The following TSBP1 variants were observed in gnomAD, a reference collection of about 807,000 sequenced individuals.
TSBP1 encodes the protein testis-expressed basic protein 1.
TSBP1 carries 56 observed loss-of-function variants against 68.8 expected under a neutral mutation model. That is an observed-to-expected ratio of 0.81 (90% CI 0.66 to 1.02). The LOEUF is 1.02. TSBP1 is among the 50% of genes least tolerant of loss of function. The pLI is 0.00. For missense variants in TSBP1, 502 were observed against 641.2 expected (o/e 0.78, Z 2.34); for synonymous variants, 171 against 208.7 (o/e 0.82, Z 1.56).
At chr6:32,299,976 C>T (rs1765117070) in intron 21 of TSBP1, 40 bp from the exon 25 acceptor site, 1 of 1,585,398 alleles carries the variant, frequency 6.3e-7, no homozygotes, top group South Asian at 1.1e-5. Context: ...TGAGGATTTT[C>T]TAACTCAAGA....
rs1768022570 is a variant in TSBP1, at chr6:32,324,688, C to A, written c.515-1074G>T. 2.6e-6 allele frequency: 4 copies of A among 1,550,718 alleles called. No individual in the cohort carries two copies. The African/African-American group carries it at 5.5e-5, about 21-fold the overall frequency. On this transcript the variant is annotated intron_variant, in intron 16 of 22. Coordinates refer to ENST00000612031, the Ensembl canonical transcript of TSBP1. ...GTGAGGATGCGATCTGACTGAAAAA[C>A]AAGCAAAGATACTTTTTGTTACCCC...
chr6:32,342,050 C>CT (rs10689236), intron 9 of TSBP1, among the ~76,000 whole-genome samples: 18,660 of 120,154 alleles, frequency 0.16, 1,533 homozygotes, highest in East Asian at 0.36. Context: ...AAAATGTGTT[C>CT]TTTTTTTTTT....
At chr6:32,322,888 C>T (rs1325201329) in intron 18 of TSBP1, among the ~76,000 whole-genome samples, 1 of 150,426 alleles carries the variant, frequency 6.6e-6, no homozygotes, top group Non-Finnish European at 1.5e-5. Flanking sequence ...CTCTCTTTCT[C>T]TCTCCACCCC....
At chr6:32,366,431 G>GA (rs751895876) in intron 4 of TSBP1, 129 bp from the exon 5 acceptor site, 3 of 930,752 alleles carry the variant, frequency 3.2e-6, no homozygotes, top group South Asian at 2.7e-5. Context: ...TTTTAGGAAA[G>GA]AAAAAAACAT....
At position 32,315,855 on chromosome 6, in the gene TSBP1, C is replaced by T; in HGVS notation, c.560-63G>A. On this transcript the variant is annotated intron_variant, in intron 18 of 22. Coordinates refer to ENST00000612031, the Ensembl canonical transcript of TSBP1. This position sits in a 1 kb window ranked among gnomAD's most constrained non-coding sequence, Gnocchi z 5.4. ...TCAAATGGAGAAAACATAGCATTAT[C>T]TAACATATTTTGTTGGAGTCTGTGA... The T allele has an allele frequency of 8.9e-7, 1 of 1,126,066 alleles. No homozygotes were observed. The highest frequency in any genetic ancestry group is 1.3e-6 in the Non-Finnish European group (1 of 788,776). The allele number at this position is 1,126,066 out of a possible 1,614,324, so 69.8% of individuals were successfully genotyped here.
intron 19 of TSBP1, among the ~76,000 whole-genome samples, chr6:32,307,200 ATAATAATT>A (rs1765853244): frequency 6.6e-6 from 1 of 152,114 alleles, no homozygotes; most frequent in African/African-American, 2.4e-5. Context: ...ACCATTTACC[ATAATAATT>A]TCTCTCTAAA....
intron 20 of TSBP1, 45 bp from the exon 24 acceptor site, chr6:32,300,745 C>G (rs1261110775): frequency 1.3e-6 from 2 of 1,562,528 alleles, no homozygotes; most frequent in Non-Finnish European, 1.8e-6. Context: ...CTGGGCATTC[C>G]CTTCTTCCCA....
At position 32,370,407 on chromosome 6, in the gene TSBP1, G is replaced by GTATATA. The variant is rs9279612; in HGVS notation, c.14-430_14-425dup. ...TACCTTTAAAGTTGCAAGATTTTCTGTATATATATATATATATATATATAT... is the reference window on the plus strand; with the variant it reads ...TACCTTTAAAGTTGCAAGATTTTCTGTATATATATATATATATATATATATATATAT... On this transcript the variant is annotated intron_variant, in intron 1 of 22. Coordinates refer to ENST00000612031, the Ensembl canonical transcript of TSBP1. Among the ~76,000 whole-genome samples, 287 of 130,592 alleles carry GTATATA rather than the reference G, an allele frequency of 2.2e-3. 3 individuals are homozygous for GTATATA. The highest frequency in any genetic ancestry group is 3.8e-3 in the African/African-American group (140 of 36,366). The allele number at this position is 130,592 out of a possible 152,430, so 85.7% of individuals were successfully genotyped here.
chr6:32,363,365 C>A (rs984217719), intron 6 of TSBP1, among the ~76,000 whole-genome samples: 1 of 152,014 alleles, frequency 6.6e-6, no homozygotes, highest in Non-Finnish European at 1.5e-5. Context: ...AATCCATTTA[C>A]GTTCAAGTAA....
chr6:32,334,212 G>A (rs116672192), intron 14 of TSBP1, among the ~76,000 whole-genome samples: 1,564 of 150,598 alleles, frequency 0.01, 14 homozygotes, highest in Middle Eastern at 0.027. Context: ...ATTCTCTTAT[G>A]TGCCAATTCA....
At chr6:32,362,403 C>T (rs1194300833) in intron 6 of TSBP1, among the ~76,000 whole-genome samples, 2 of 152,194 alleles carry the variant, frequency 1.3e-5, no homozygotes, top group Non-Finnish European at 2.9e-5. Flanking sequence ...AGCAAGAAGG[C>T]TCTCTTGCGC....
chr6:32,356,645 G>A (rs994310326), intron 6 of TSBP1, among the ~76,000 whole-genome samples: 4 of 147,490 alleles, frequency 2.7e-5, no homozygotes, highest in Non-Finnish European at 4.6e-5. Context: ...GCCTGTGCCC[G>A]GGAGACGGAG....
chr6:32,370,365 T>G (rs1774247056), intron 1 of TSBP1, among the ~76,000 whole-genome samples: 1 of 149,524 alleles, frequency 6.7e-6, no homozygotes, highest in African/African-American at 2.4e-5. Context: ...TTCTATTTTC[T>G]GTGTAATTTT....
At chr6:32,355,476 C>T (rs777723434) in intron 7 of TSBP1, among the ~76,000 whole-genome samples, 173 bp downstream of exon 7, 3 of 151,888 alleles carry the variant, frequency 2.0e-5, no homozygotes, top group Non-Finnish European at 4.4e-5. Flanking sequence ...CTATTGTTTT[C>T]CTTTTCTCCC....
chr6:32,310,251 A>AGTGT (rs9279576), intron 19 of TSBP1, among the ~76,000 whole-genome samples: 9,543 of 151,478 alleles, frequency 0.063, 386 homozygotes, highest in Admixed American at 0.085. Context: ...GGCACATGTA[A>AGTGT]GTGTGTGTGT....
chr6:32,353,121 A>G (rs907390838), intron 8 of TSBP1: 7 of 152,008 alleles, frequency 4.6e-5, no homozygotes, highest in Non-Finnish European at 7.4e-5. Flanking sequence ...AGCTATGACA[A>G]GAAAATGGTT....
chr6:32,302,501 A>T lies in TSBP1; in HGVS notation c.601+108T>A, dbSNP rs1180925295. On this transcript the variant is annotated intron_variant, in intron 20 of 22. Coordinates refer to ENST00000612031, the Ensembl canonical transcript of TSBP1. This position sits in a 1 kb window ranked among gnomAD's most constrained non-coding sequence, Gnocchi z 5.1. ...ACCAAACAAACCAAAAAACACAAAA[A>T]CCCAGCAAACAAAAACAAACATAAA... 5.0e-5 allele frequency: 41 copies of T among 812,910 alleles called. No homozygotes were observed. The highest frequency in any genetic ancestry group is 2.1e-6 in the Non-Finnish European group (1 of 480,468). The allele number at this position is 812,910 out of a possible 1,614,324, so 50.4% of individuals were successfully genotyped here.
Position 32,368,942 on chromosome 6 carries a change from G to A in TSBP1, c.101-128C>T. 5 of 1,121,168 alleles carry A rather than the reference G, an allele frequency of 4.5e-6. No individual in the cohort carries two copies. In the South Asian group the frequency reaches 9.6e-5, roughly 22 times the overall value. 69.5% of individuals were successfully genotyped at this position (1,121,168 alleles called of 1,614,324 possible). ...GGTGGTCCTCCTGATATAATGCATT[G>A]TTGTTCTCACCCATTTTCCACATCT... On this transcript the variant is annotated intron_variant, in intron 2 of 22. Coordinates refer to ENST00000612031, the Ensembl canonical transcript of TSBP1.
At chr6:32,301,551 G>GC (rs1391296437) in intron 20 of TSBP1, among the ~76,000 whole-genome samples, 7 of 136,264 alleles carry the variant, frequency 5.1e-5, no homozygotes, top group African/African-American at 1.9e-4. Flanking sequence ...CCCCATCTCT[G>GC]CAAAAAAAAA....
Sources: gnomAD v4.1 joint callset for allele counts (sites outside exome capture counted in the v4.1 genomes callset) on GRCh38, gnomAD v4.1.1 for gene constraint, Gnocchi (gnomAD v3.1) non-coding constraint, MANE v1.5 for transcripts, NCBI Gene and HGNC (gene_info 2026-07-23, HGNC 2026-07-21) for gene names.